The following TDRD7 variants were observed in gnomAD, a reference collection of about 807,000 sequenced individuals.
The protein encoded by TDRD7 is tudor domain-containing protein 7.
A neutral mutation model predicts 109.8 loss-of-function variants in TDRD7; 47 were observed. That is an observed-to-expected ratio of 0.43 (90% CI 0.34 to 0.55). TDRD7 has a LOEUF of 0.55. Among genes scored for constraint, TDRD7 ranks in the 20% least tolerant of loss-of-function variants. The probability of loss-of-function intolerance (pLI) is 0.03; values close to 1 mark genes in which losing one functional copy is unlikely to be tolerated. For missense variants in TDRD7, 1,164 were observed against 1,319.2 expected, an observed-to-expected ratio of 0.88 and a Z score of 1.82; for synonymous variants, 424 against 457.3, an observed-to-expected ratio of 0.93 and a Z score of 0.93.
rs1564206162 is a variant in TDRD7, at chr9:97,460,501, T to G, written c.1179T>G (p.Ile393Met). Residue 393 changes from isoleucine (I) to methionine (M), a missense_variant, in exon 7 of 17, where the codon ATT becomes ATG. This residue lies in a region of TDRD7 where 407 missense variants were observed against 394.0 expected (regional missense o/e 1.03). Coordinates refer to ENST00000355295, the MANE Select transcript of TDRD7 (RefSeq NM_014290.3). ...CTGATGTATGCAGCATAGACTACAT[T>G]TCTGGAAATCCCCAGAAGGCCATTC... is the stretch of plus-strand genomic sequence containing the variant. ...SLSDVCSIDY[I>M]SGNPQKAILY... is the part of the protein sequence containing the mutation. 6.8e-6 allele frequency: 11 copies of G among 1,614,196 alleles called. No homozygotes were observed. The highest frequency in any genetic ancestry group is 7.6e-6 in the Non-Finnish European group (9 of 1,180,034).
Position 97,495,948 on chromosome 9 carries a change from T to A in TDRD7, c.*65T>A. 1 of 1,365,648 alleles carries A rather than the reference T, an allele frequency of 7.3e-7. No individual in the cohort carries two copies. 84.6% of individuals were successfully genotyped at this position (1,365,648 alleles called of 1,614,324 possible). ...TAGCAATAACAAAATGTAGTAGGCTTAAAAAAAATCTTAACTCTGCTACAT... is the reference window on the plus strand; with the variant it reads ...TAGCAATAACAAAATGTAGTAGGCTAAAAAAAAATCTTAACTCTGCTACAT... On this transcript the variant is annotated 3_prime_UTR_variant, in exon 17 of 17. Coordinates refer to ENST00000355295, the MANE Select transcript of TDRD7 (RefSeq NM_014290.3).
At chr9:97,416,560 G>T (rs958931972) in intron 1 of TDRD7, among the ~76,000 whole-genome samples, 1 of 152,142 alleles carries the variant, frequency 6.6e-6, no homozygotes, top group African/African-American at 2.4e-5. Context: ...CAATCATGCT[G>T]CGGCCCTGAC....
chr9:97,448,280 G>A (rs1050436935), intron 6 of TDRD7, among the ~76,000 whole-genome samples: 2 of 152,200 alleles, frequency 1.3e-5, no homozygotes, highest in Non-Finnish European at 2.9e-5. Flanking sequence ...ATGGAACGGT[G>A]GATTGGATGG....
intron 1 of TDRD7, among the ~76,000 whole-genome samples, chr9:97,418,697 G>A (rs1334862809): frequency 6.6e-6 from 1 of 152,218 alleles, no homozygotes; most frequent in Non-Finnish European, 1.5e-5. Context: ...AGGGCAACCT[G>A]TAGAACAAGC....
Position 97,431,978 on chromosome 9 carries a change from G to A in TDRD7, c.350-47G>A, listed in dbSNP as rs750592509. 24 of 1,530,724 alleles carry A rather than the reference G, an allele frequency of 1.6e-5. No individual in the cohort carries two copies. The South Asian group carries it at 2.4e-4, about 15-fold the overall frequency. 94.8% of individuals were successfully genotyped at this position (1,530,724 alleles called of 1,614,324 possible). On this transcript the variant is annotated intron_variant, in intron 3 of 16. Transcript: ENST00000355295. ...CAGGGGAGTGTCATAATGAAAGTGGGGTTTGGGGATGCTAATTGATTTCGT... is the reference window on the plus strand; with the variant it reads ...CAGGGGAGTGTCATAATGAAAGTGGAGTTTGGGGATGCTAATTGATTTCGT...
At chr9:97,425,976 A>G (rs1381832972) in intron 1 of TDRD7, among the ~76,000 whole-genome samples, 1 of 152,198 alleles carries the variant, frequency 6.6e-6, no homozygotes, top group East Asian at 1.9e-4. Flanking sequence ...ACATTCAGAT[A>G]AAGAGGGATA....
In TDRD7 at chr9:97,446,481, T is replaced by A. The variant is rs759621528; in HGVS notation, c.855+4606T>A. Among the ~76,000 whole-genome samples the A allele has an allele frequency of 4.5e-4, 69 of 152,344 alleles. 1 individual carries two copies. Among genetic ancestry groups the A allele is most frequent in the Non-Finnish European group, 7.9e-4 (54 of 68,032 alleles). ...TAAAATGTTGTGAATGAGGAAAAAC[T>A]GCCTAATTACACTAATTATTCATAG... On this transcript the variant is annotated intron_variant, in intron 6 of 16. Transcript: ENST00000355295.
chr9:97,469,906 C>T (rs1032742288), intron 8 of TDRD7, among the ~76,000 whole-genome samples: 6 of 152,098 alleles, frequency 3.9e-5, no homozygotes, highest in African/African-American at 1.4e-4. Context: ...GACTTAGGGC[C>T]TTTTGCTGAG....
intron 1 of TDRD7, among the ~76,000 whole-genome samples, chr9:97,424,643 T>G (rs528462564): frequency 6.6e-6 from 1 of 152,306 alleles, no homozygotes; most frequent in African/African-American, 2.4e-5. Context: ...ATGGTACATC[T>G]TTTTTCTTTT....
At chr9:97,486,092 A>G (rs935546840) in intron 15 of TDRD7, among the ~76,000 whole-genome samples, 2 of 152,162 alleles carry the variant, frequency 1.3e-5, no homozygotes, top group African/African-American at 4.8e-5. Flanking sequence ...AGCCAGCCCC[A>G]GTCCAGCAGT....
chr9:97,416,464 C>T (rs1827812083), intron 1 of TDRD7, among the ~76,000 whole-genome samples: 1 of 152,142 alleles, frequency 6.6e-6, no homozygotes, highest in Non-Finnish European at 1.5e-5. Flanking sequence ...TCTGCACACT[C>T]TGAAAAACAG....
At chr9:97,432,728 T>G (rs1171213601) in intron 4 of TDRD7, among the ~76,000 whole-genome samples, 2 of 152,150 alleles carry the variant, frequency 1.3e-5, no homozygotes, top group Non-Finnish European at 1.5e-5. Flanking sequence ...ATTAAGTTGT[T>G]TCATCTTTTG....
chr9:97,480,620 A>G (rs1829100208), intron 13 of TDRD7: 2 of 567,914 alleles, frequency 3.5e-6, no homozygotes, highest in South Asian at 1.8e-5. Flanking sequence ...GCCCTGGCTC[A>G]TAAAGGAGTA....
chr9:97,464,323 G>A (rs1828785820), intron 7 of TDRD7, among the ~76,000 whole-genome samples: 1 of 152,184 alleles, frequency 6.6e-6, no homozygotes, highest in Admixed American at 6.5e-5. Context: ...AATGTTTGCT[G>A]TGTTGTTTGG....
chr9:97,489,237 G>A (rs1564217556), intron 16 of TDRD7, among the ~76,000 whole-genome samples: 2 of 151,944 alleles, frequency 1.3e-5, no homozygotes, highest in Non-Finnish European at 2.9e-5. Flanking sequence ...CTGATAAAGG[G>A]GTTTTAAAAT....
At position 97,416,926 on chromosome 9, in the gene TDRD7, A is replaced by G. The variant is rs539246991; in HGVS notation, c.-7+4688A>G. 3.3e-5 allele frequency among the ~76,000 whole-genome samples: 5 copies of G among 152,234 alleles called. No homozygotes were observed. The South Asian group carries it at 1.0e-3, about 32-fold the overall frequency. On this transcript the variant is annotated intron_variant, in intron 1 of 16. Transcript: ENST00000355295. ...GAGCTTGCATTGAAGTTGGGGAGAA[A>G]GATAAAACCATTAAATGGAGAAGAA...
chr9:97,425,847 T>G (rs7853581), intron 1 of TDRD7, among the ~76,000 whole-genome samples: 1 of 151,932 alleles, frequency 6.6e-6, no homozygotes, highest in African/African-American at 2.4e-5. Flanking sequence ...GCAAACATTA[T>G]AGAGTGGACT....
chr9:97,432,355 G>C (rs528480485), intron 4 of TDRD7, 117 bp downstream of exon 4: 1 of 882,588 alleles, frequency 1.1e-6, no homozygotes, highest in East Asian at 2.6e-5. Context: ...ATATAGTAGA[G>C]ACATGCATCA....
chr9:97,453,377 G>A (rs932434378), intron 6 of TDRD7, among the ~76,000 whole-genome samples: 2 of 152,116 alleles, frequency 1.3e-5, no homozygotes, highest in South Asian at 2.1e-4. Flanking sequence ...AGCTGGGGGC[G>A]GGGGGCAAGA....
Sources: gnomAD v4.1 joint callset for allele counts (sites outside exome capture counted in the v4.1 genomes callset) on GRCh38, gnomAD v4.1.1 for gene constraint, gnomAD v4.1.1 regional missense constraint, MANE v1.5 for transcripts, NCBI Gene and HGNC (gene_info 2026-07-23, HGNC 2026-07-21) for gene names.